The following SOX6 variants were observed in gnomAD, a reference collection of about 807,000 sequenced individuals.
SOX6 encodes SRY-box transcription factor 6.
A neutral mutation model predicts 97.8 loss-of-function variants in SOX6; 11 were observed. The observed-to-expected ratio is 0.11, with a 90% confidence interval of 0.07 to 0.19. SOX6 has a LOEUF of 0.19. Among genes scored for constraint, SOX6 ranks in the 10% least tolerant of loss-of-function variants. The pLI, the probability that SOX6 is intolerant of heterozygous loss-of-function variation, is 1.00. For missense variants in SOX6, 810 were observed against 1,039.5 expected (o/e 0.78, Z 3.04); for synonymous variants, 360 against 371.4 (o/e 0.97, Z 0.35).
chr11:16,433,567 T>C (rs1181971965), intron 1 of SOX6, among the ~76,000 whole-genome samples: 3 of 152,118 alleles, frequency 2.0e-5, no homozygotes, highest in Non-Finnish European at 2.9e-5. Flanking sequence ...GTTATTAATA[T>C]ATCAGTCCTA....
At chr11:16,478,081 A>G (rs112161647), upstream of SOX6, among the ~76,000 whole-genome samples, 79 of 152,326 alleles carry the variant, frequency 5.2e-4, no homozygotes, top group African/African-American at 1.9e-3. Context: ...CTCACGTGCT[A>G]TCCCCCGCTG....
intron 3 of SOX6, among the ~76,000 whole-genome samples, chr11:16,640,272 G>T (rs1315170109): frequency 6.6e-6 from 1 of 152,166 alleles, no homozygotes; most frequent in Non-Finnish European, 1.5e-5. Flanking sequence ...ACTGGATCAT[G>T]GTGGATAAGC....
At chr11:16,029,842 T>C (rs1855316106) in intron 12 of SOX6, among the ~76,000 whole-genome samples, 1 of 152,130 alleles carries the variant, frequency 6.6e-6, no homozygotes, top group Admixed American at 6.6e-5. Flanking sequence ...ATATAATAAT[T>C]ATACAAGCTA....
intron 2 of SOX6, among the ~76,000 whole-genome samples, chr11:16,320,316 A>T (rs1002742970): frequency 6.6e-6 from 1 of 152,166 alleles, no homozygotes; most frequent in Non-Finnish European, 1.5e-5. Flanking sequence ...GAGGACAAGC[A>T]TGGGGCAAAA....
chr11:15,983,427 G>C (rs1004045380), intron 15 of SOX6, among the ~76,000 whole-genome samples: 2 of 152,068 alleles, frequency 1.3e-5, no homozygotes, highest in African/African-American at 4.8e-5. Flanking sequence ...ATGTTGAGCA[G>C]TATATGCACT....
At chr11:16,223,084 G>A (rs1165711446) in intron 4 of SOX6, among the ~76,000 whole-genome samples, 3 of 151,864 alleles carry the variant, frequency 2.0e-5, no homozygotes, top group Non-Finnish European at 2.9e-5. Flanking sequence ...TAATTTTCTA[G>A]GTATATATAA....
intron 2 of SOX6, among the ~76,000 whole-genome samples, chr11:16,723,319 C>T (rs900172980): frequency 1.3e-5 from 2 of 151,948 alleles, no homozygotes; most frequent in African/African-American, 4.8e-5. Flanking sequence ...ACACTGGGGG[C>T]TTCTTGCGGA....
chr11:16,044,525 T>C (rs1855769531), intron 12 of SOX6, among the ~76,000 whole-genome samples: 2 of 152,126 alleles, frequency 1.3e-5, no homozygotes, highest in African/African-American at 4.8e-5. Flanking sequence ...TAGTGCCCCA[T>C]GGAACCCCAT....
chr11:16,571,793 A>T (rs1294023234), intron 4 of SOX6, among the ~76,000 whole-genome samples: 1 of 152,142 alleles, frequency 6.6e-6, no homozygotes, highest in Non-Finnish European at 1.5e-5. Flanking sequence ...CTGGGATTAC[A>T]GGAGCACTCT....
intron 1 of SOX6, among the ~76,000 whole-genome samples, chr11:16,342,470 T>C (rs1196616753): frequency 6.6e-6 from 1 of 151,916 alleles, no homozygotes; most frequent in Non-Finnish European, 1.5e-5. Flanking sequence ...GGAAACCACA[T>C]GAGCATTTTT....
chr11:16,328,302 G>T (rs1856165581), intron 2 of SOX6, among the ~76,000 whole-genome samples: 1 of 152,230 alleles, frequency 6.6e-6, no homozygotes, highest in East Asian at 1.9e-4. Context: ...AACCCAATGT[G>T]TTCAGCTACA....
intron 4 of SOX6, among the ~76,000 whole-genome samples, chr11:16,574,897 G>A (rs984523205): frequency 5.5e-4 from 84 of 152,060 alleles, no homozygotes; most frequent in African/African-American, 1.9e-3. Context: ...AAAATTAGCT[G>A]GGCATGGTGG....
intron 6 of SOX6, among the ~76,000 whole-genome samples, chr11:16,118,540 A>C (rs922285495): frequency 2.6e-5 from 4 of 152,232 alleles, no homozygotes; most frequent in Non-Finnish European, 5.9e-5. Flanking sequence ...AGCTTCATTA[A>C]AGATACATGA....
At chr11:16,663,122 G>T (rs1218591385) in intron 3 of SOX6, among the ~76,000 whole-genome samples, 1 of 151,846 alleles carries the variant, frequency 6.6e-6, no homozygotes, top group African/African-American at 2.4e-5. Flanking sequence ...TATGGCAGGG[G>T]AAGTTATAAT....
chr11:16,293,355 T>G (rs1854970968), intron 3 of SOX6, among the ~76,000 whole-genome samples: 1 of 152,144 alleles, frequency 6.6e-6, no homozygotes, highest in Admixed American at 6.6e-5. Context: ...ACATTACAGA[T>G]AGATGAGAAA....
chr11:16,203,028 C>T (rs1484549451), intron 4 of SOX6, among the ~76,000 whole-genome samples: 1 of 151,976 alleles, frequency 6.6e-6, no homozygotes, highest in Non-Finnish European at 1.5e-5. Flanking sequence ...TTAGTAAATA[C>T]TAATAAAAGC....
intron 3 of SOX6, among the ~76,000 whole-genome samples, chr11:16,239,972 C>A (rs780860015): frequency 6.6e-6 from 1 of 152,170 alleles, no homozygotes; most frequent in South Asian, 2.1e-4. Flanking sequence ...AAACAATTAA[C>A]CCTCCCCTCT....
At chr11:16,624,352 T>A (rs914136286) in intron 3 of SOX6, among the ~76,000 whole-genome samples, 2 of 151,928 alleles carry the variant, frequency 1.3e-5, no homozygotes, top group Non-Finnish European at 2.9e-5. Context: ...CACCCCCAGC[T>A]AATTTTTGTG....
intron 4 of SOX6, among the ~76,000 whole-genome samples, chr11:16,482,226 G>A (rs61881806): frequency 6.6e-6 from 1 of 152,068 alleles, no homozygotes; most frequent in East Asian, 1.9e-4. Flanking sequence ...AAAGTTAATT[G>A]CAATATGGAA....
Sources: allele counts gnomAD v4.1 joint callset (sites outside exome capture counted in the v4.1 genomes callset), GRCh38; gene constraint gnomAD v4.1.1; transcripts MANE v1.5; gene names NCBI Gene and HGNC (gene_info 2026-07-23, HGNC 2026-07-21).